The following RBPJ variants were observed in gnomAD, a reference collection of about 807,000 sequenced individuals.
RBPJ encodes the protein recombination signal binding protein for immunoglobulin kappa J region, also known as recombining binding protein suppressor of hairless.
RBPJ carries 9 observed loss-of-function variants against 67.8 expected under a neutral mutation model. The observed-to-expected ratio is 0.13, with a 90% CI of 0.08 to 0.23. The LOEUF is 0.23. RBPJ is among the 10% of genes least tolerant of loss of function. The pLI, the probability that RBPJ is intolerant of heterozygous loss-of-function variation, is 1.00. For missense variants in RBPJ, 305 were observed against 595.6 expected (o/e 0.51, Z 5.08); for synonymous variants, 198 against 203.3 (o/e 0.97, Z 0.22).
At chr4:26,322,260 A>G (rs1386302899) in intron 1 of RBPJ, 1 of 152,122 alleles carries the variant, frequency 6.6e-6, no homozygotes, top group East Asian at 1.9e-4. Flanking sequence ...GTGTTTGAGA[A>G]TAGTTTCAGA....
chr4:26,137,109 A>C, the RBPJ span, among the ~76,000 whole-genome samples: 1 of 152,206 alleles, frequency 6.6e-6, no homozygotes, highest in East Asian at 1.9e-4. Flanking sequence ...ATTTCCCCAC[A>C]GGAGCAGTGG....
chr4:26,214,533 A>G (rs1283830684), intron 1 of RBPJ, among the ~76,000 whole-genome samples: 2 of 77,232 alleles, frequency 2.6e-5, no homozygotes, highest in Non-Finnish European at 4.8e-5. Flanking sequence ...GGGAAGGAGG[A>G]AGGGAGGGAG....
the RBPJ span, among the ~76,000 whole-genome samples, chr4:26,132,325 A>G: frequency 6.6e-6 from 1 of 152,130 alleles, no homozygotes; most frequent in Non-Finnish European, 1.5e-5. Flanking sequence ...ACTCAGTAAG[A>G]ACCCTCTTCC....
intron 1 of RBPJ, among the ~76,000 whole-genome samples, chr4:26,169,510 CG>C (rs1384053502): frequency 6.6e-6 from 1 of 152,182 alleles, no homozygotes; most frequent in African/African-American, 2.4e-5. Context: ...TTAGGCTGCT[CG>C]GGGGTCAGGG....
chr4:26,361,366 A>G (rs764228512), intron 1 of RBPJ, among the ~76,000 whole-genome samples: 6 of 152,198 alleles, frequency 3.9e-5, no homozygotes, highest in Admixed American at 3.3e-4. Context: ...TTAAAAATAC[A>G]TAATTTTTTC....
intron 1 of RBPJ, among the ~76,000 whole-genome samples, chr4:26,281,455 T>C (rs1721270877): frequency 6.6e-6 from 1 of 152,136 alleles, no homozygotes; most frequent in Non-Finnish European, 1.5e-5. Flanking sequence ...ATTTTTTGTA[T>C]TTTTAGTAGA....
At chr4:26,230,189 T>C (rs1449664577) in intron 1 of RBPJ, among the ~76,000 whole-genome samples, 2 of 138,462 alleles carry the variant, frequency 1.4e-5, no homozygotes, top group Admixed American at 7.3e-5. Context: ...GACCCTATCT[T>C]AAAAAAAAAA....
chr4:26,255,353 G>A lies in RBPJ; in HGVS notation c.-167+91739G>A, dbSNP rs528710894. On this transcript the variant is annotated intron_variant, in intron 1 of 4. Coordinates refer to the RBPJ transcript ENST00000512351. ...CAGGAGGCGGAGCTTGCAGTGAGCC[G>A]AGATCGCGCCACCGCACTCCAGCCT... Among the ~76,000 whole-genome samples the A allele has an allele frequency of 2.3e-4, 25 of 109,962 alleles. No homozygotes were observed. In the South Asian group the frequency reaches 2.4e-3, roughly 11 times the overall value. The allele number at this position is 109,962 out of a possible 152,430, so 72.1% of individuals were successfully genotyped here.
intron 1 of RBPJ, among the ~76,000 whole-genome samples, chr4:26,277,880 C>G (rs530799850): frequency 6.6e-6 from 1 of 152,148 alleles, no homozygotes; most frequent in African/African-American, 2.4e-5. Flanking sequence ...TTAAAATATT[C>G]GATTCAGTGT....
chr4:26,154,911 C>T, the RBPJ span, among the ~76,000 whole-genome samples: 1 of 152,100 alleles, frequency 6.6e-6, no homozygotes, highest in East Asian at 1.9e-4. Flanking sequence ...GGATCCACCC[C>T]GTGATGTAAT....
chr4:26,308,231 G>C (rs1334876101), intron 1 of RBPJ, among the ~76,000 whole-genome samples: 2 of 152,070 alleles, frequency 1.3e-5, no homozygotes, highest in South Asian at 2.1e-4. Flanking sequence ...AGCCGAGATC[G>C]GGCCACTGCC....
intron 1 of RBPJ, among the ~76,000 whole-genome samples, chr4:26,182,538 G>C (rs1311941672): frequency 6.8e-6 from 1 of 148,108 alleles, no homozygotes; most frequent in Non-Finnish European, 1.5e-5. Context: ...CTGTCACCCA[G>C]GCTGGAGGGC....
At chr4:26,239,380 C>A (rs1277338097) in intron 1 of RBPJ, among the ~76,000 whole-genome samples, 1 of 152,174 alleles carries the variant, frequency 6.6e-6, no homozygotes, top group East Asian at 1.9e-4. Context: ...TGAAGAGAAA[C>A]AGTGACATAA....
At chr4:26,255,403 C>CAAAA (rs766336628) in intron 1 of RBPJ, among the ~76,000 whole-genome samples, 399 of 34,484 alleles carry the variant, frequency 0.012, 30 homozygotes, top group African/African-American at 0.044. Context: ...GACTCCGTCT[C>CAAAA]AAAAAAAAAA....
At chr4:26,248,765 T>C (rs1366643175) in intron 1 of RBPJ, among the ~76,000 whole-genome samples, 2 of 152,164 alleles carry the variant, frequency 1.3e-5, no homozygotes, top group African/African-American at 4.8e-5. Context: ...AGTAAGAATC[T>C]GATATATCCA....
intron 1 of RBPJ, among the ~76,000 whole-genome samples, chr4:26,377,652 CTTTG>C (rs1056571564): frequency 1.3e-5 from 2 of 152,188 alleles, no homozygotes; most frequent in African/African-American, 4.8e-5. Context: ...TGATGTGATT[CTTTG>C]TTTGAGTCAG....
At chr4:26,116,674 A>G in the RBPJ span, among the ~76,000 whole-genome samples, 4 of 152,206 alleles carry the variant, frequency 2.6e-5, no homozygotes, top group African/African-American at 9.6e-5. Context: ...CAAAGGTCTG[A>G]TCAACCCACA....
chr4:26,225,330 T>G (rs1011767802), intron 1 of RBPJ, among the ~76,000 whole-genome samples: 3 of 152,186 alleles, frequency 2.0e-5, no homozygotes, highest in Non-Finnish European at 4.4e-5. Flanking sequence ...ACTTAATTGC[T>G]TATAGTTAAG....
At chr4:26,388,289 G>A (rs1414440878) in intron 2 of RBPJ, among the ~76,000 whole-genome samples, 2 of 152,018 alleles carry the variant, frequency 1.3e-5, no homozygotes, top group Middle Eastern at 3.4e-3. Context: ...TGTGATCCAC[G>A]GTGCCCAGCC....
Sources: gnomAD v4.1 joint callset for allele counts (sites outside exome capture counted in the v4.1 genomes callset) on GRCh38, gnomAD v4.1.1 for gene constraint, MANE v1.5 for transcripts, NCBI Gene and HGNC (gene_info 2026-07-23, HGNC 2026-07-21) for gene names.